Variants in COL4A6 observed in about 807,000 individuals in gnomAD.
The protein encoded by COL4A6 is collagen alpha-6(IV) chain.
In COL4A6, 59 loss-of-function variants were observed where a neutral mutation model predicts 126.7. That is an observed-to-expected ratio of 0.47 (90% CI 0.38 to 0.58). The LOEUF is 0.58. Among genes scored for constraint, COL4A6 ranks in the 20% least tolerant of loss-of-function variants. The pLI is 0.00. For synonymous variants in COL4A6, 547 were observed against 496.6 expected (o/e 1.10, Z -1.35); for missense variants, 1,285 against 1,337.3 (o/e 0.96, Z 0.61).
intron 2 of COL4A6, among the ~76,000 whole-genome samples, chrX:108,341,355 A>G (rs958939216): frequency 2.7e-5 from 3 of 111,184 alleles, no homozygotes; most frequent in Non-Finnish European, 5.7e-5. Flanking sequence ...CTCATCTTGA[A>G]TTGTAGCTCC....
At chrX:108,280,480 T>G (rs2037777263) in intron 3 of COL4A6, among the ~76,000 whole-genome samples, 1 of 111,437 alleles carries the variant, frequency 9.0e-6, no homozygotes, top group South Asian at 3.8e-4. Context: ...AATAACAGGC[T>G]CTGAAATTGT....
At chrX:108,397,363 A>G (rs2040988697) in intron 2 of COL4A6, among the ~76,000 whole-genome samples, 1 of 111,469 alleles carries the variant, frequency 9.0e-6, no homozygotes, top group Non-Finnish European at 1.9e-5. Flanking sequence ...TACTCACTTA[A>G]CAATCAACAA....
At chrX:108,278,573 A>T (rs1245674788) in intron 3 of COL4A6, among the ~76,000 whole-genome samples, 7 of 110,868 alleles carry the variant, frequency 6.3e-5, no homozygotes, top group Non-Finnish European at 1.1e-4. Flanking sequence ...ACTCTGCAGG[A>T]TATTATCCAG....
chrX:108,366,593 T>C (rs777713397), intron 2 of COL4A6, among the ~76,000 whole-genome samples: 3 of 112,152 alleles, frequency 2.7e-5, no homozygotes, highest in Admixed American at 9.5e-5. Flanking sequence ...TAAAGAAGAA[T>C]GAAATTACTG....
chrX:108,437,906 G>A (rs781329745), intron 2 of COL4A6, 36 bp downstream of exon 2: 12 of 1,205,028 alleles, frequency 1.0e-5, no homozygotes, highest in Non-Finnish European at 1.2e-5. Flanking sequence ...AGGGTCAAAG[G>A]AGGGGGACGG....
chrX:108,306,294 A>T (rs2038625294), intron 3 of COL4A6, among the ~76,000 whole-genome samples: 1 of 112,097 alleles, frequency 8.9e-6, no homozygotes, highest in Admixed American at 9.4e-5. Context: ...GAGGAGTGAG[A>T]GGGCAAATAT....
intron 2 of COL4A6, among the ~76,000 whole-genome samples, chrX:108,320,590 C>A (rs981205378): frequency 1.8e-5 from 2 of 111,157 alleles, no homozygotes; most frequent in Non-Finnish European, 3.8e-5. Context: ...AGAAATGCAT[C>A]GGTTTTAGGA....
At chrX:108,260,759 G>C (rs2037140308) in intron 3 of COL4A6, among the ~76,000 whole-genome samples, 1 of 109,889 alleles carries the variant, frequency 9.1e-6, no homozygotes, top group Non-Finnish European at 1.9e-5. Flanking sequence ...GATTGAAGTT[G>C]ATTCTGTGGA....
chrX:108,384,941 T>G, intron 2 of COL4A6, among the ~76,000 whole-genome samples: 1 of 111,385 alleles, frequency 9.0e-6, no homozygotes, highest in African/African-American at 3.3e-5. Context: ...ACTCAGTGTA[T>G]TTTTGGAAGG....
At chrX:108,437,260 T>TTACCTG (rs1198426973) in intron 2 of COL4A6, among the ~76,000 whole-genome samples, 2 of 112,236 alleles carry the variant, frequency 1.8e-5, no homozygotes, top group Admixed American at 1.9e-4. Context: ...CCAAAAGTCT[T>TTACCTG]CAGAAATTTC....
intron 7 of COL4A6, 68 bp from the exon 8 acceptor site, chrX:108,210,072 C>T (rs2148221829): frequency 6.4e-6 from 7 of 1,091,342 alleles, no homozygotes; most frequent in Non-Finnish European, 8.8e-6. Flanking sequence ...GATAACTAAC[C>T]TAACATTTAT....
intron 2 of COL4A6, among the ~76,000 whole-genome samples, chrX:108,374,967 A>G (rs1208767458): frequency 8.9e-6 from 1 of 112,108 alleles, no homozygotes; most frequent in Non-Finnish European, 1.9e-5. Context: ...GGCGTTAAGT[A>G]AGTAAACGGA....
chrX:108,330,097 C>T (rs1019321349), intron 2 of COL4A6, among the ~76,000 whole-genome samples: 5 of 110,673 alleles, frequency 4.5e-5, no homozygotes, highest in Non-Finnish European at 7.6e-5. Context: ...TGGGATAGAA[C>T]GTAGAATTAT....
Position 108,185,391 on chromosome X carries a change from G to GAAAAAA in COL4A6, c.1951+1699_1951+1704dup, listed in dbSNP as rs201862310. Among the ~76,000 whole-genome samples the GAAAAAA allele has an allele frequency of 1.6e-4, 13 of 83,347 alleles. 1 individual carries two copies. Among genetic ancestry groups the GAAAAAA allele is most frequent in the Non-Finnish European group, 1.6e-4 (7 of 44,151 alleles). 72.4% of individuals were successfully genotyped at this position (83,347 alleles called of 115,157 possible). ...TGGGTGAGAGTAAGACTTCATTTCAGAAAAAAAAAAAAAAGGAAAATGTCC... is the reference window on the plus strand; with the variant it reads ...TGGGTGAGAGTAAGACTTCATTTCAGAAAAAAAAAAAAAAAAAAAAGGAAAATGTCC... On this transcript the variant is annotated intron_variant, in intron 23 of 44. Transcript: ENST00000334504.
intron 3 of COL4A6, among the ~76,000 whole-genome samples, chrX:108,259,777 C>T (rs1423728511): frequency 9.0e-6 from 1 of 111,689 alleles, no homozygotes; most frequent in African/African-American, 3.2e-5. Flanking sequence ...TTTAAATGCC[C>T]TAGCTGCTTG....
In COL4A6 at chrX:108,215,356, A is replaced by G. The variant is rs193282505; in HGVS notation, c.325-1128T>C. Among the ~76,000 whole-genome samples the G allele has an allele frequency of 2.0e-4, 22 of 112,390 alleles. No individual in the cohort carries two copies. In the Admixed American group the frequency reaches 2.1e-3, roughly 11 times the overall value. On this transcript the variant is annotated intron_variant, in intron 5 of 44. Coordinates refer to ENST00000334504, the MANE Select transcript of COL4A6 (RefSeq NM_033641.4). ...TGGTCAATAAACTTGTCTTTACAAC[A>G]AAGTTGCTGCAATCTGTGCCTCTGC...
intron 2 of COL4A6, among the ~76,000 whole-genome samples, chrX:108,378,680 T>A (rs1184099511): frequency 1.8e-5 from 2 of 113,007 alleles, no homozygotes; most frequent in Admixed American, 9.3e-5. Context: ...TCATGTAATC[T>A]TCCACATACT....
intron 11 of COL4A6, among the ~76,000 whole-genome samples, chrX:108,205,037 G>A (rs1210708629): frequency 2.7e-5 from 3 of 109,291 alleles, no homozygotes; most frequent in African/African-American, 3.3e-5. Context: ...AAAGGAGGAG[G>A]AAGTGGAGGA....
chrX:108,309,801 A>AACAC (rs4036315), intron 3 of COL4A6, among the ~76,000 whole-genome samples: 5,464 of 80,803 alleles, frequency 0.068, 171 homozygotes, highest in African/African-American at 0.075. Flanking sequence ...TAATCCTGGA[A>AACAC]ACACACACAC....
Sources: allele counts gnomAD v4.1 joint callset (sites outside exome capture counted in the v4.1 genomes callset), GRCh38; gene constraint gnomAD v4.1.1; transcripts MANE v1.5; gene names NCBI Gene and HGNC (gene_info 2026-07-23, HGNC 2026-07-21).